WNK1: variants seen among roughly 807,000 people sequenced by gnomAD.
WNK1 encodes serine/threonine-protein kinase WNK1.
In WNK1, 38 loss-of-function variants were observed where a neutral mutation model predicts 222.8. The observed-to-expected ratio is 0.17, with a 90% confidence interval of 0.13 to 0.22. The LOEUF is 0.22. Among genes scored for constraint, WNK1 ranks in the 10% least tolerant of loss-of-function variants. WNK1 has a pLI of 1.00. For synonymous variants in WNK1, 1,090 were observed against 1,092.9 expected (o/e 1.00, Z 0.05); for missense variants, 2,348 against 2,918.4 (o/e 0.80, Z 4.50).
At chr12:805,592 T>C (rs918270201) in intron 1 of WNK1, among the ~76,000 whole-genome samples, 1 of 152,236 alleles carries the variant, frequency 6.6e-6, no homozygotes, top group Non-Finnish European at 1.5e-5. Context: ...ATAAATAACT[T>C]AGTCTTATGT....
chr12:804,766 A>C (rs894724238), intron 1 of WNK1, among the ~76,000 whole-genome samples: 2 of 151,842 alleles, frequency 1.3e-5, no homozygotes, highest in Admixed American at 1.3e-4. Flanking sequence ...GTCTCTGTGA[A>C]TTTGCATATG....
intron 4 of WNK1, among the ~76,000 whole-genome samples, chr12:852,673 C>CT (rs1437820611): frequency 4.6e-5 from 7 of 152,074 alleles, no homozygotes; most frequent in Non-Finnish European, 1.0e-4. Flanking sequence ...TTTGTTCTGT[C>CT]TGGTGCTTAA....
chr12:834,760 A>C (rs1949052713), intron 4 of WNK1, among the ~76,000 whole-genome samples: 1 of 152,184 alleles, frequency 6.6e-6, no homozygotes, highest in Non-Finnish European at 1.5e-5. Flanking sequence ...ATTGTCTATG[A>C]AATATGAGTT....
intron 14 of WNK1, 132 bp downstream of exon 14, chr12:882,205 T>G: frequency 1.8e-6 from 2 of 1,118,760 alleles, no homozygotes; most frequent in African/African-American, 1.6e-5. Flanking sequence ...CAGATAATTT[T>G]TTTTTTTTTT....
intron 4 of WNK1, among the ~76,000 whole-genome samples, chr12:852,320 AT>A (rs1265961404): frequency 3.3e-5 from 5 of 152,064 alleles, no homozygotes; most frequent in Non-Finnish European, 7.4e-5. Context: ...ACAGTTGTTC[AT>A]TTTTTTGTAC....
At chr12:791,491 TATA>T (rs1169379021) in intron 1 of WNK1, among the ~76,000 whole-genome samples, 1 of 152,124 alleles carries the variant, frequency 6.6e-6, no homozygotes, top group Admixed American at 6.5e-5. Flanking sequence ...TTTGCTTTTC[TATA>T]ATAACATTCT....
chr12:906,271 C>G, intron 26 of WNK1: 1 of 975,342 alleles, frequency 1.0e-6, no homozygotes, highest in African/African-American at 1.8e-5. Flanking sequence ...GACCATGACT[C>G]TTCTTTCCCT....
At chr12:894,839 G>A (rs1250828519) in intron 23 of WNK1, among the ~76,000 whole-genome samples, 4 of 152,066 alleles carry the variant, frequency 2.6e-5, no homozygotes, top group African/African-American at 7.2e-5. Flanking sequence ...GTAGAGACAC[G>A]GTAGATAGTC....
At chr12:908,123 C>T in intron 27 of WNK1, 89 bp downstream of exon 27, 2 of 1,449,984 alleles carry the variant, frequency 1.4e-6, no homozygotes, top group Non-Finnish European at 1.9e-6. Context: ...ACGTCTTACG[C>T]CACGACCTTC....
chr12:854,936 C>T lies in WNK1; in HGVS notation c.1312-2225C>T, dbSNP rs530746689. Among the ~76,000 whole-genome samples the T allele has an allele frequency of 1.1e-4, 16 of 152,280 alleles. No individual in the cohort carries two copies. In the South Asian group the frequency reaches 3.3e-3, roughly 32 times the overall value. Reference sequence around the variant, plus strand: ...TTAGATAATAATGACAGGGAAAAGCCTGTATGTGTTCAGTACTGTGATACA... The same window carrying T: ...TTAGATAATAATGACAGGGAAAAGCTTGTATGTGTTCAGTACTGTGATACA... On this transcript the variant is annotated intron_variant, in intron 4 of 27. Coordinates refer to ENST00000315939, the MANE Select transcript of WNK1 (RefSeq NM_018979.4).
intron 3 of WNK1, among the ~76,000 whole-genome samples, chr12:828,317 A>G (rs973252882): frequency 6.6e-6 from 1 of 152,164 alleles, no homozygotes; most frequent in Non-Finnish European, 1.5e-5. Flanking sequence ...AAAATAAAAA[A>G]AATAAAAAGA....
At chr12:895,971 CAG>C in intron 23 of WNK1, 98 bp from the exon 24 acceptor site, 2 of 1,504,498 alleles carry the variant, frequency 1.3e-6, no homozygotes, top group Non-Finnish European at 1.8e-6. Flanking sequence ...TACTCTTTGA[CAG>C]GGAAATAAAG....
chr12:877,758 G>A (rs2154078795), intron 9 of WNK1, among the ~76,000 whole-genome samples: 1 of 152,150 alleles, frequency 6.6e-6, no homozygotes, highest in African/African-American at 2.4e-5. Context: ...TATTCTTCAA[G>A]CATATTAATT....
chr12:899,066 TAG>T (rs1031036279), intron 25 of WNK1, among the ~76,000 whole-genome samples: 1 of 152,150 alleles, frequency 6.6e-6, no homozygotes, highest in Admixed American at 6.5e-5. Context: ...TTGGGATAGA[TAG>T]AGAGTTTCTA....
chr12:788,424 C>T (rs1944522624), intron 1 of WNK1, among the ~76,000 whole-genome samples: 1 of 152,094 alleles, frequency 6.6e-6, no homozygotes, highest in Admixed American at 6.6e-5. Flanking sequence ...ATGAGATCAA[C>T]TTATGCACTA....
intron 1 of WNK1, among the ~76,000 whole-genome samples, chr12:784,154 T>C (rs1001797795): frequency 6.6e-6 from 1 of 152,090 alleles, no homozygotes; most frequent in African/African-American, 2.4e-5. Flanking sequence ...CCAGGAGTTT[T>C]GAGACCACAG....
intron 4 of WNK1, among the ~76,000 whole-genome samples, chr12:847,657 T>A (rs1950112509): frequency 6.6e-6 from 1 of 152,122 alleles, no homozygotes; most frequent in Non-Finnish European, 1.5e-5. Flanking sequence ...TTACCATTGA[T>A]TCGGCCCGTA....
At chr12:848,516 T>TTTTTG (rs60885768) in intron 4 of WNK1, among the ~76,000 whole-genome samples, 10 of 148,862 alleles carry the variant, frequency 6.7e-5, no homozygotes, top group African/African-American at 2.0e-4. Context: ...TTTTTTTTTT[T>TTTTTG]GCTTGGTCAG....
intron 8 of WNK1, chr12:865,065 T>C (rs1156436007): frequency 6.9e-7 from 1 of 1,446,988 alleles, no homozygotes; most frequent in Non-Finnish European, 9.1e-7. Context: ...TTATTTTGTT[T>C]TCACAGTACT....
Sources: gnomAD v4.1 joint callset for allele counts (sites outside exome capture counted in the v4.1 genomes callset) on GRCh38, gnomAD v4.1.1 for gene constraint, MANE v1.5 for transcripts, NCBI Gene and HGNC (gene_info 2026-07-23, HGNC 2026-07-21) for gene names.